Variants in P4HA1 observed in about 807,000 individuals in gnomAD.
P4HA1 encodes prolyl 4-hydroxylase subunit alpha-1.
In P4HA1, 24 loss-of-function variants were observed where a neutral mutation model predicts 72.8. That is an observed-to-expected ratio of 0.33 (90% CI 0.24 to 0.46). P4HA1 has a LOEUF of 0.46. Ranked by LOEUF, P4HA1 falls within the 20% of genes least tolerant of loss-of-function variation. The pLI is 1.00. For synonymous variants in P4HA1, 201 were observed against 218.8 expected (o/e 0.92, Z 0.72); for missense variants, 446 against 640.6 (o/e 0.70, Z 3.28).
At chr10:73,071,694 T>C (rs1213727349) in intron 4 of P4HA1, among the ~76,000 whole-genome samples, 1 of 152,112 alleles carries the variant, frequency 6.6e-6, no homozygotes. Context: ...CCAACATTTT[T>C]TTAAATTGAT....
At chr10:73,063,407 C>A (rs975254319) in intron 5 of P4HA1, among the ~76,000 whole-genome samples, 7 of 152,188 alleles carry the variant, frequency 4.6e-5, no homozygotes, top group African/African-American at 1.7e-4. Context: ...GTAGGCCCCA[C>A]CTCTTAATAC....
chr10:73,048,872 C>T (rs569839137), intron 7 of P4HA1, among the ~76,000 whole-genome samples: 2 of 152,072 alleles, frequency 1.3e-5, no homozygotes, highest in Admixed American at 6.5e-5. Flanking sequence ...CAGTGGCTCA[C>T]GCCTGTAATC....
intron 9 of P4HA1, among the ~76,000 whole-genome samples, chr10:73,042,225 G>A (rs1343924390): frequency 6.6e-6 from 1 of 152,100 alleles, no homozygotes; most frequent in Non-Finnish European, 1.5e-5. Flanking sequence ...AAAAGGGCAG[G>A]TGGTGTTATA....
At chr10:73,032,620 A>C (rs567059898) in intron 9 of P4HA1, among the ~76,000 whole-genome samples, 1 of 152,316 alleles carries the variant, frequency 6.6e-6, no homozygotes, top group East Asian at 1.9e-4. Context: ...GCTAGTGCGT[A>C]TGCTCTTCTC....
At chr10:73,037,571 A>ATATATATAT (rs1238501206) in intron 9 of P4HA1, among the ~76,000 whole-genome samples, 3 of 30,614 alleles carry the variant, frequency 9.8e-5, no homozygotes, top group Non-Finnish European at 1.8e-4. Context: ...ATATATATAT[A>ATATATATAT]TTTTTTTTTT....
intron 1 of P4HA1, among the ~76,000 whole-genome samples, chr10:73,085,748 A>G (rs1241387317): frequency 6.6e-6 from 1 of 152,184 alleles, no homozygotes; most frequent in Non-Finnish European, 1.5e-5. Flanking sequence ...AGTACATGAA[A>G]AGATGTTCAA....
chr10:73,046,997 A>C lies in P4HA1; in HGVS notation c.1005T>G (p.Pro335=). 1 of 1,613,248 alleles carries C rather than the reference A, an allele frequency of 6.2e-7. No homozygotes were observed. The highest frequency in any genetic ancestry group is 8.5e-7 in the Non-Finnish European group (1 of 1,179,246). ...TAATATCATGGAAGCGAATAATACG[A>C]GGCTTGTCCCATTCATCCTCCTGTT... ...PAKQEDEWDK[P]RIIRFHDIIS... The change falls in exon 8 of 15, where the codon CCT becomes CCG. Residue 335 remains proline, a synonymous_variant. Coordinates refer to ENST00000394890, the MANE Select transcript of P4HA1 (RefSeq NM_001017962.3).
At chr10:73,059,083 G>C (rs536207520) in intron 5 of P4HA1, among the ~76,000 whole-genome samples, 14 of 151,758 alleles carry the variant, frequency 9.2e-5, no homozygotes, top group Non-Finnish European at 1.8e-4. Flanking sequence ...CAGCCAGTAC[G>C]CTATCTTTTG....
chr10:73,026,338 A>G (rs549634007), intron 10 of P4HA1, among the ~76,000 whole-genome samples: 3 of 152,356 alleles, frequency 2.0e-5, no homozygotes, highest in African/African-American at 7.2e-5. Flanking sequence ...CGAACCTGAC[A>G]AAAACAAGAA....
chr10:73,032,353 A>T (rs1840451133), intron 9 of P4HA1, among the ~76,000 whole-genome samples: 1 of 152,142 alleles, frequency 6.6e-6, no homozygotes, highest in Admixed American at 6.6e-5. Context: ...GCTCTTGCTA[A>T]TCTTACCCAC....
intron 10 of P4HA1, among the ~76,000 whole-genome samples, chr10:73,029,833 G>A (rs1160090307): frequency 2.6e-5 from 4 of 151,748 alleles, no homozygotes; most frequent in African/African-American, 9.7e-5. Context: ...AGACATAAAA[G>A]TAACAGAAAA....
intron 7 of P4HA1, among the ~76,000 whole-genome samples, chr10:73,049,346 T>C (rs910924426): frequency 6.6e-6 from 1 of 152,232 alleles, no homozygotes; most frequent in African/African-American, 2.4e-5. Flanking sequence ...ACTTTTCAAA[T>C]GTTTACACCT....
intron 1 of P4HA1, among the ~76,000 whole-genome samples, chr10:73,093,649 C>T (rs1481997802): frequency 2.0e-5 from 3 of 151,052 alleles, no homozygotes; most frequent in African/African-American, 7.3e-5. Context: ...CGAGACCATC[C>T]TGGTTAACAC....
intron 1 of P4HA1, among the ~76,000 whole-genome samples, chr10:73,095,857 T>G (rs868030180): frequency 2.0e-5 from 3 of 152,186 alleles, no homozygotes; most frequent in Non-Finnish European, 2.9e-5. Flanking sequence ...AGTCGATTAT[T>G]TAGGAGAAAG....
chr10:73,080,488 G>C (rs566404823), intron 1 of P4HA1, among the ~76,000 whole-genome samples: 7 of 152,346 alleles, frequency 4.6e-5, no homozygotes, highest in African/African-American at 1.4e-4. Flanking sequence ...TTTATCTTAT[G>C]TAAAAGTACA....
intron 5 of P4HA1, among the ~76,000 whole-genome samples, chr10:73,055,801 C>A (rs1029886995): frequency 6.6e-6 from 1 of 152,116 alleles, no homozygotes; most frequent in Non-Finnish European, 1.5e-5. Flanking sequence ...AAAATAATGG[C>A]CTAGATTTAT....
chr10:73,042,757 G>A (rs1840767542), intron 9 of P4HA1, among the ~76,000 whole-genome samples: 1 of 151,776 alleles, frequency 6.6e-6, no homozygotes, highest in Non-Finnish European at 1.5e-5. Flanking sequence ...TACCTATCAG[G>A]GGACATTTGA....
intron 11 of P4HA1, among the ~76,000 whole-genome samples, 195 bp from the exon 12 acceptor site, chr10:73,014,484 G>A (rs1839973732): frequency 6.6e-6 from 1 of 152,076 alleles, no homozygotes; most frequent in Non-Finnish European, 1.5e-5. Context: ...TGTGGACCAG[G>A]GTGATCTTGA....
At chr10:73,051,905 T>G (rs1832114129) in intron 6 of P4HA1, among the ~76,000 whole-genome samples, 1 of 152,096 alleles carries the variant, frequency 6.6e-6, no homozygotes, top group African/African-American at 2.4e-5. Flanking sequence ...TCCTACTTAT[T>G]TTAAGAAATG....
Sources: allele counts gnomAD v4.1 joint callset (sites outside exome capture counted in the v4.1 genomes callset), GRCh38; gene constraint gnomAD v4.1.1; transcripts MANE v1.5; gene names NCBI Gene and HGNC (gene_info 2026-07-23, HGNC 2026-07-21).